Variants in TNRC6B observed in about 807,000 individuals in gnomAD.
TNRC6B encodes trinucleotide repeat-containing gene 6B protein.
Under a neutral mutation model 203.6 loss-of-function variants are expected in TNRC6B, and 52 were observed. That is an observed-to-expected ratio of 0.26 (90% CI 0.20 to 0.32). The LOEUF (loss-of-function observed/expected upper bound fraction) is 0.32, where lower values mean the gene tolerates loss of function less well. TNRC6B is among the 10% of genes least tolerant of loss of function. TNRC6B has a pLI of 1.00. For missense variants in TNRC6B, 1,923 were observed against 2,286.2 expected, an observed-to-expected ratio of 0.84 and a Z score of 3.24; for synonymous variants, 838 against 845.7, an observed-to-expected ratio of 0.99 and a Z score of 0.16.
chr22:40,074,235 C>CA (rs944802253), intron 1 of TNRC6B, among the ~76,000 whole-genome samples: 2,668 of 68,100 alleles, frequency 0.039, 63 homozygotes, highest in African/African-American at 0.07. Context: ...CGCTCTGTCT[C>CA]AAAAAAAAAA....
intron 1 of TNRC6B, among the ~76,000 whole-genome samples, chr22:40,214,818 T>G (rs1217050377): frequency 6.6e-6 from 1 of 152,194 alleles, no homozygotes; most frequent in African/African-American, 2.4e-5. Flanking sequence ...CCTCCCAAAG[T>G]GCTGAGATTA....
chr22:40,285,018 G>A (rs1411075920), intron 11 of TNRC6B, among the ~76,000 whole-genome samples: 1 of 152,188 alleles, frequency 6.6e-6, no homozygotes, highest in African/African-American at 2.4e-5. Context: ...ACTGATATGT[G>A]TTTGAATGAG....
At chr22:40,206,596 T>C (rs2069481268) in intron 1 of TNRC6B, among the ~76,000 whole-genome samples, 1 of 152,236 alleles carries the variant, frequency 6.6e-6, no homozygotes, top group Admixed American at 6.5e-5. Flanking sequence ...GATTTTAAAA[T>C]TTATATGGAA....
Position 40,136,082 on chromosome 22 carries a change from A to T in TNRC6B, c.45+10220A>T, listed in dbSNP as rs78283036. ...AATGAATTGGGAGGCGAGGACTGGCATTTCTGGCACGGTCTCCAGACCTGA... is the reference window on the plus strand; with the variant it reads ...AATGAATTGGGAGGCGAGGACTGGCTTTTCTGGCACGGTCTCCAGACCTGA... On this transcript the variant is annotated intron_variant, in intron 3 of 23. Transcript: ENST00000301923. 8.7e-3 allele frequency among the ~76,000 whole-genome samples: 1,330 copies of T among 152,234 alleles called. 10 individuals are homozygous for T. The highest frequency in any genetic ancestry group is 0.041 in the Middle Eastern group (12 of 294).
At chr22:40,322,005 G>C (rs755008174) in intron 22 of TNRC6B, among the ~76,000 whole-genome samples, 1 of 152,134 alleles carries the variant, frequency 6.6e-6, no homozygotes, top group African/African-American at 2.4e-5. Context: ...CTTGGCTGCA[G>C]ATGCCATGAC....
intron 4 of TNRC6B, among the ~76,000 whole-genome samples, chr22:40,170,982 CAT>C (rs1237324606): frequency 2.8e-5 from 4 of 144,810 alleles, no homozygotes; most frequent in East Asian, 2.0e-4. Context: ...TGTATATGTA[CAT>C]ATATGTGTAT....
chr22:40,154,607 G>A (rs944724272), intron 3 of TNRC6B, among the ~76,000 whole-genome samples: 2 of 150,638 alleles, frequency 1.3e-5, no homozygotes, highest in Non-Finnish European at 3.0e-5. Context: ...TTGGGAGGCC[G>A]AGGCAGGTGG....
chr22:40,129,368 A>G (rs2068521690), intron 3 of TNRC6B, among the ~76,000 whole-genome samples: 1 of 152,168 alleles, frequency 6.6e-6, no homozygotes, highest in Non-Finnish European at 1.5e-5. Context: ...GTGGATTGGA[A>G]AGAGGTAAGA....
At chr22:40,172,914 C>A (rs1379647847) in intron 4 of TNRC6B, among the ~76,000 whole-genome samples, 1 of 152,126 alleles carries the variant, frequency 6.6e-6, no homozygotes, top group Non-Finnish European at 1.5e-5. Context: ...TGACTATCAT[C>A]CATCTTATTT....
rs376935158 is a variant in TNRC6B at position 40,321,240 on chromosome 22, G to A, written c.5114+11G>A. On this transcript the variant is annotated intron_variant, in intron 22 of 22. Transcript: ENST00000454349. The stretch of plus-strand genomic sequence containing the variant: ...AACTGCACTGCACATGTGAGTATTC[G>A]GTCCTACACCCACGTAGACAAACAT... 28 of 1,613,036 alleles carry A rather than the reference G, an allele frequency of 1.7e-5. No homozygotes were observed. Among genetic ancestry groups the A allele is most frequent in the Middle Eastern group, 1.6e-4 (1 of 6,070 alleles).
rs2071448142 is a variant in TNRC6B at position 40,330,029 on chromosome 22, G to T, written c.*6788G>T. 6.6e-6 allele frequency: 1 copy of T among 152,216 alleles called. No individual in the cohort carries two copies. Among genetic ancestry groups the T allele is most frequent in the Non-Finnish European group, 1.5e-5 (1 of 68,038 alleles). 9.4% of individuals were successfully genotyped at this position (152,216 alleles called of 1,614,324 possible). On this transcript the variant is annotated 3_prime_UTR_variant, in exon 23 of 23. Transcript: ENST00000454349. ...GGGGAAAGATCAGATAAATAGGCAA[G>T]AAGTACTCTGTTTTAAATAAAGAAT...
intron 4 of TNRC6B, among the ~76,000 whole-genome samples, chr22:40,164,082 C>T (rs951239939): frequency 6.6e-6 from 1 of 151,984 alleles, no homozygotes; most frequent in Non-Finnish European, 1.5e-5. Context: ...TATTATAAAG[C>T]CTAATTCCAG....
rs1021269933 is a variant in TNRC6B, at chr22:40,208,078, C to A, written c.5+29938C>A. On this transcript the variant is annotated intron_variant, in intron 1 of 22. Coordinates refer to ENST00000454349, the MANE Select transcript of TNRC6B (RefSeq NM_001162501.2). ...GCAGTGAGCTGAGATGCGCCCGTCT[C>A]TCCAGCCTGGGCAATAGAGTGGGAC... Among the ~76,000 whole-genome samples the A allele has an allele frequency of 5.4e-5, 8 of 148,488 alleles. No homozygotes were observed. The South Asian group carries it at 8.6e-4, about 16-fold the overall frequency.
chr22:40,083,916 A>G (rs1030163059), intron 1 of TNRC6B, among the ~76,000 whole-genome samples: 2 of 152,182 alleles, frequency 1.3e-5, no homozygotes, highest in Admixed American at 1.3e-4. Flanking sequence ...TAAGTAAGAA[A>G]TAGCCTTCTT....
At chr22:40,113,715 C>T (rs540527372) in intron 1 of TNRC6B, among the ~76,000 whole-genome samples, 8 of 152,044 alleles carry the variant, frequency 5.3e-5, no homozygotes, top group Non-Finnish European at 7.4e-5. Flanking sequence ...TCTTCTTGTC[C>T]GCTTGGGCTG....
chr22:40,303,840 G>A (rs569805423), intron 15 of TNRC6B, among the ~76,000 whole-genome samples: 52 of 152,258 alleles, frequency 3.4e-4, no homozygotes, highest in Admixed American at 2.7e-3. Context: ...GAACCCAGGC[G>A]GCAGAGGTTG....
intron 4 of TNRC6B, among the ~76,000 whole-genome samples, chr22:40,263,354 A>G (rs2070417042): frequency 6.6e-6 from 1 of 152,212 alleles, no homozygotes; most frequent in African/African-American, 2.4e-5. Flanking sequence ...GACTTCCTGC[A>G]GAGATAAGCC....
intron 1 of TNRC6B, among the ~76,000 whole-genome samples, chr22:40,058,217 A>T (rs2067817325): frequency 6.6e-6 from 1 of 152,234 alleles, no homozygotes; most frequent in Non-Finnish European, 1.5e-5. Flanking sequence ...GGAAAATACT[A>T]CTTTTACAAC....
chr22:40,260,130 A>C (rs1940241245), intron 3 of TNRC6B, among the ~76,000 whole-genome samples: 1 of 152,256 alleles, frequency 6.6e-6, no homozygotes, highest in East Asian at 1.9e-4. Context: ...TAAAAAAATC[A>C]AATGATTTAA....
Sources: gnomAD v4.1 joint callset for allele counts (sites outside exome capture counted in the v4.1 genomes callset) on GRCh38, gnomAD v4.1.1 for gene constraint, MANE v1.5 for transcripts, NCBI Gene and HGNC (gene_info 2026-07-23, HGNC 2026-07-21) for gene names.